Variants in GREB1 observed in about 807,000 individuals in gnomAD.
The protein encoded by GREB1 is protein GREB1.
A neutral mutation model predicts 200.7 loss-of-function variants in GREB1; 106 were observed. The ratio of observed to expected loss-of-function variants is 0.53; its 90% CI spans 0.45 to 0.62. GREB1 has a LOEUF of 0.62. GREB1 is among the 20% of genes least tolerant of loss of function. GREB1 has a pLI of 0.00. For missense variants in GREB1, 2,243 were observed against 2,556.8 expected (o/e 0.88, Z 2.65); for synonymous variants, 1,132 against 1,092.4 (o/e 1.04, Z -0.72).
intron 1 of GREB1, among the ~76,000 whole-genome samples, chr2:11,537,380 G>A (rs1335845346): frequency 2.0e-5 from 3 of 151,972 alleles, no homozygotes; most frequent in African/African-American, 7.3e-5. Flanking sequence ...TATGTGCCAG[G>A]TACCATGCTA....
intron 10 of GREB1, among the ~76,000 whole-genome samples, chr2:11,590,822 T>A (rs1680652974): frequency 6.6e-6 from 1 of 151,788 alleles, no homozygotes; most frequent in African/African-American, 2.4e-5. Context: ...GAGGAATGGG[T>A]GAATGTTGAT....
intron 1 of GREB1, among the ~76,000 whole-genome samples, chr2:11,495,795 C>G (rs907780963): frequency 7.1e-6 from 1 of 140,470 alleles, no homozygotes; most frequent in Non-Finnish European, 1.6e-5. Context: ...TAAGTCCCCC[C>G]GTTTTTTTTT....
At chr2:11,514,933 A>G (rs538929892) in intron 1 of GREB1, among the ~76,000 whole-genome samples, 10 of 152,270 alleles carry the variant, frequency 6.6e-5, no homozygotes, top group African/African-American at 1.9e-4. Context: ...CCACACATGT[A>G]TCCATCTTCC....
intron 1 of GREB1, among the ~76,000 whole-genome samples, chr2:11,553,516 C>A (rs1188444454): frequency 6.6e-6 from 1 of 152,044 alleles, no homozygotes; most frequent in Non-Finnish European, 1.5e-5. Flanking sequence ...CCCCACTTTT[C>A]TATGCTGTCT....
chr2:11,558,750 G>C (rs891448144), intron 2 of GREB1, among the ~76,000 whole-genome samples: 3 of 152,174 alleles, frequency 2.0e-5, no homozygotes, highest in Non-Finnish European at 4.4e-5. Context: ...CGTAGTGTCT[G>C]TTTGTCGGGG....
At chr2:11,571,032 G>T (rs1464013249) in intron 4 of GREB1, among the ~76,000 whole-genome samples, 1 of 150,814 alleles carries the variant, frequency 6.6e-6, no homozygotes, top group Non-Finnish European at 1.5e-5. Flanking sequence ...CAAGGCAGGG[G>T]CTCTGGATAT....
chr2:11,617,799 A>G (rs1203452778), intron 21 of GREB1, among the ~76,000 whole-genome samples: 1 of 152,070 alleles, frequency 6.6e-6, no homozygotes, highest in African/African-American at 2.4e-5. Context: ...GGACGGGGAA[A>G]GGTCAGAGGT....
intron 1 of GREB1, among the ~76,000 whole-genome samples, chr2:11,497,971 CTTTTTT>C (rs70955803): frequency 6.2e-4 from 25 of 40,588 alleles, no homozygotes; most frequent in African/African-American, 1.7e-3. Context: ...CAGAGCAAAA[CTTTTTT>C]TTTTTTTTTT....
chr2:11,544,720 G>A (rs1675097034), intron 1 of GREB1, among the ~76,000 whole-genome samples: 1 of 152,078 alleles, frequency 6.6e-6, no homozygotes, highest in South Asian at 2.1e-4. Flanking sequence ...AGGAGCCAAC[G>A]CTGGCCGCCT....
intron 15 of GREB1, 52 bp downstream of exon 15, chr2:11,598,912 T>G (rs761140263): frequency 2.2e-5 from 31 of 1,423,458 alleles, no homozygotes; most frequent in Non-Finnish European, 2.5e-5. Flanking sequence ...TTTGAAGTGA[T>G]GTATGTGGAT....
intron 19 of GREB1, among the ~76,000 whole-genome samples, chr2:11,614,009 G>A (rs959881181): frequency 6.6e-6 from 1 of 152,074 alleles, no homozygotes; most frequent in African/African-American, 2.4e-5. Flanking sequence ...TTGCTTGTTG[G>A]TGTCCGACTT....
intron 12 of GREB1, among the ~76,000 whole-genome samples, chr2:11,595,685 C>T (rs1222539613): frequency 2.0e-5 from 3 of 152,132 alleles, no homozygotes; most frequent in Non-Finnish European, 4.4e-5. Context: ...CCTTTCCAGC[C>T]TTGGTGGCCT....
At chr2:11,630,213 A>G in intron 26 of GREB1, 104 bp downstream of exon 26, 1 of 1,097,488 alleles carries the variant, frequency 9.1e-7, no homozygotes, top group Non-Finnish European at 1.3e-6. Flanking sequence ...AGACACCGAT[A>G]CAGGGACTGA....
intron 1 of GREB1, among the ~76,000 whole-genome samples, chr2:11,495,896 T>G (rs1672872117): frequency 6.6e-6 from 1 of 151,656 alleles, no homozygotes; most frequent in African/African-American, 2.4e-5. Context: ...TCTGTGAGTC[T>G]GTGCGTGGCG....
chr2:11,594,732 G>T (rs192062944), intron 11 of GREB1, among the ~76,000 whole-genome samples: 1 of 152,012 alleles, frequency 6.6e-6, no homozygotes, highest in African/African-American at 2.4e-5. Flanking sequence ...TCGCTCTGTC[G>T]CCCAGGCTGG....
chr2:11,630,328 A>G (rs1370256567), intron 26 of GREB1, among the ~76,000 whole-genome samples: 1 of 152,202 alleles, frequency 6.6e-6, no homozygotes, highest in Non-Finnish European at 1.5e-5. Context: ...ATGTCACTTA[A>G]TATCTGCAAG....
At chr2:11,508,124 A>C (rs1346452457) in intron 1 of GREB1, among the ~76,000 whole-genome samples, 1 of 152,212 alleles carries the variant, frequency 6.6e-6, no homozygotes, top group Non-Finnish European at 1.5e-5. Context: ...AAGGAGAAAC[A>C]GAAAGACAGA....
At chr2:11,627,225 G>T (rs1684539551) in intron 25 of GREB1, 121 bp downstream of exon 25, 1 of 855,940 alleles carries the variant, frequency 1.2e-6, no homozygotes, top group African/African-American at 1.7e-5. Flanking sequence ...TGGCTTCCTG[G>T]TCTGCTTGCA....
chr2:11,637,222 A>T (rs1450617156), intron 30 of GREB1, among the ~76,000 whole-genome samples: 2 of 152,138 alleles, frequency 1.3e-5, no homozygotes, highest in Non-Finnish European at 2.9e-5. Context: ...GCTATGGGAA[A>T]GTTCCAGACT....
Sources: gnomAD v4.1 joint callset for allele counts (sites outside exome capture counted in the v4.1 genomes callset) on GRCh38, gnomAD v4.1.1 for gene constraint, MANE v1.5 for transcripts, NCBI Gene and HGNC (gene_info 2026-07-23, HGNC 2026-07-21) for gene names.